Variants in YARS1 observed in about 807,000 individuals in gnomAD.
The protein encoded by YARS1 is tyrosine--tRNA ligase, cytoplasmic.
Under a neutral mutation model 62.2 loss-of-function variants are expected in YARS1, and 36 were observed. That is an observed-to-expected ratio of 0.58 (90% CI 0.44 to 0.76). The LOEUF is 0.76. Ranked by LOEUF, YARS1 falls within the 30% of genes least tolerant of loss-of-function variation. The pLI, the probability that YARS1 is intolerant of heterozygous loss-of-function variation, is 0.00. For synonymous variants in YARS1, 234 were observed against 244.9 expected, an observed-to-expected ratio of 0.96 and a Z score of 0.42; for missense variants, 524 against 639.8, an observed-to-expected ratio of 0.82 and a Z score of 1.95.
intron 5 of YARS1, among the ~76,000 whole-genome samples, chr1:32,796,247 G>A (rs931003567): frequency 6.6e-5 from 10 of 152,100 alleles, no homozygotes; most frequent in African/African-American, 2.2e-4. Flanking sequence ...AGTGAGCCGA[G>A]ATCGCGCCAC....
Position 32,779,476 on chromosome 1 carries a change from G to C in YARS1, c.1382C>G (p.Ser461Cys). Reference protein sequence around the residue: ...QVEPLDPPAGSAPGEHVFVKG... With the variant: ...QVEPLDPPAGCAPGEHVFVKG... ...CACAAACACGTGCTCACCAGGAGCA[G>C]AGCCTGCCGGAGGGTCCAGAGGTTC... is the stretch of plus-strand genomic sequence containing the variant. The change falls in exon 12 of 13, where the codon TCT becomes TGT. Residue 461 changes from serine (S) to cysteine (C), a missense_variant. Ser to Cys is a moderately radical substitution (Grantham distance 112, BLOSUM62 -1). Coordinates refer to ENST00000373477, the MANE Select transcript of YARS1 (RefSeq NM_003680.4). 2 of 1,614,196 alleles carry C rather than the reference G, an allele frequency of 1.2e-6. No individual in the cohort carries two copies. The highest frequency in any genetic ancestry group is 1.7e-6 in the Non-Finnish European group (2 of 1,180,010).
At chr1:32,805,077 C>A (rs1172159274) in intron 4 of YARS1, among the ~76,000 whole-genome samples, 1 of 152,078 alleles carries the variant, frequency 6.6e-6, no homozygotes, top group Non-Finnish European at 1.5e-5. Context: ...CCAAAAAATA[C>A]AAATTGCAGG....
At chr1:32,795,583 G>C (rs1284172957) in intron 5 of YARS1, among the ~76,000 whole-genome samples, 1 of 152,024 alleles carries the variant, frequency 6.6e-6, no homozygotes, top group Non-Finnish European at 1.5e-5. Context: ...AAGGCGGGCA[G>C]ATCATGAGGT....
intron 4 of YARS1, among the ~76,000 whole-genome samples, chr1:32,804,516 C>A (rs549914582): frequency 6.7e-6 from 1 of 149,380 alleles, no homozygotes; most frequent in East Asian, 2.0e-4. Flanking sequence ...ACTTCTCAGA[C>A]GGGGCGGCTG....
chr1:32,793,181 T>C (rs1395998595), intron 5 of YARS1, among the ~76,000 whole-genome samples: 1 of 152,044 alleles, frequency 6.6e-6, no homozygotes, highest in African/African-American at 2.4e-5. Context: ...GAACAGAATA[T>C]GAGACATGAG....
In YARS1 at chr1:32,775,926, T is replaced by G; in HGVS notation, c.*55A>C. 1 of 1,460,282 alleles carries G rather than the reference T, an allele frequency of 6.8e-7. No individual in the cohort carries two copies. Among genetic ancestry groups the G allele is most frequent in the African/African-American group, 1.4e-5 (1 of 71,822 alleles). 90.5% of individuals were successfully genotyped at this position (1,460,282 alleles called of 1,614,324 possible). Reference sequence around the variant, plus strand: ...TAAATGGGTGATGGATGGAGCAGACTGAAGAGACAGCAGATGACTCAGTGG... The same window carrying G: ...TAAATGGGTGATGGATGGAGCAGACGGAAGAGACAGCAGATGACTCAGTGG... On this transcript the variant is annotated 3_prime_UTR_variant, in exon 13 of 13. Coordinates refer to ENST00000373477, the MANE Select transcript of YARS1 (RefSeq NM_003680.4).
intron 8 of YARS1, among the ~76,000 whole-genome samples, chr1:32,784,581 T>G (rs934832498): frequency 6.6e-6 from 1 of 152,120 alleles, no homozygotes; most frequent in Non-Finnish European, 1.5e-5. Flanking sequence ...GAACTCCTAT[T>G]CCTCAAGCAA....
intron 5 of YARS1, among the ~76,000 whole-genome samples, chr1:32,792,350 C>G (rs1254033496): frequency 1.3e-5 from 2 of 152,160 alleles, no homozygotes; most frequent in African/African-American, 4.8e-5. Flanking sequence ...AAAACCAACC[C>G]CTGACAGAAC....
chr1:32,780,362 C>A, intron 10 of YARS1, 84 bp from the exon 11 acceptor site: 1 of 1,517,134 alleles, frequency 6.6e-7, no homozygotes. Flanking sequence ...CGGAAAGGAG[C>A]ATCCACTCCT....
At chr1:32,778,796 T>G (rs1402761194) in intron 12 of YARS1, among the ~76,000 whole-genome samples, 1 of 148,294 alleles carries the variant, frequency 6.7e-6, no homozygotes, top group Admixed American at 6.9e-5. Flanking sequence ...TGGAGTGCAA[T>G]GGCGTGATCT....
At chr1:32,785,457 T>A (rs1469418792) in intron 8 of YARS1, among the ~76,000 whole-genome samples, 14 of 146,768 alleles carry the variant, frequency 9.5e-5, no homozygotes, top group South Asian at 2.2e-4. Context: ...TGAGACTCTG[T>A]CTCAAAAAAA....
chr1:32,778,739 T>TC (rs1557444576), intron 12 of YARS1, among the ~76,000 whole-genome samples: 1 of 144,982 alleles, frequency 6.9e-6, no homozygotes, highest in African/African-American at 2.5e-5. Context: ...TTCTTTTCTT[T>TC]TTTTTTTTTT....
At chr1:32,778,823 C>G (rs1364670580) in intron 12 of YARS1, among the ~76,000 whole-genome samples, 2 of 149,714 alleles carry the variant, frequency 1.3e-5, no homozygotes, top group African/African-American at 4.9e-5. Flanking sequence ...ATTGCAACCT[C>G]TGCCTCCCGG....
At chr1:32,800,651 G>A (rs1038310856) in intron 4 of YARS1, among the ~76,000 whole-genome samples, 1 of 151,934 alleles carries the variant, frequency 6.6e-6, no homozygotes, top group African/African-American at 2.4e-5. Context: ...GTGCAGTGGT[G>A]CGAGCTCCGC....
intron 12 of YARS1, among the ~76,000 whole-genome samples, chr1:32,778,926 G>A (rs1342125763): frequency 1.3e-5 from 2 of 151,620 alleles, no homozygotes; most frequent in Non-Finnish European, 2.9e-5. Context: ...TTTTAGTAGA[G>A]ACAGGGTTTC....
At chr1:32,777,724 TTA>T (rs1430337219) in intron 12 of YARS1, among the ~76,000 whole-genome samples, 2 of 152,118 alleles carry the variant, frequency 1.3e-5, no homozygotes, top group East Asian at 3.9e-4. Flanking sequence ...TCCAGGAGGT[TTA>T]CAGGCTTGAG....
chr1:32,804,362 G>A (rs1017047890), intron 4 of YARS1, among the ~76,000 whole-genome samples: 2 of 150,482 alleles, frequency 1.3e-5, no homozygotes, highest in African/African-American at 2.4e-5. Context: ...GTGGCTGGCC[G>A]GGCGGGGGTT....
intron 5 of YARS1, among the ~76,000 whole-genome samples, chr1:32,796,237 A>G (rs1184646081): frequency 6.6e-6 from 1 of 152,222 alleles, no homozygotes; most frequent in Non-Finnish European, 1.5e-5. Flanking sequence ...CAGAGGTTGC[A>G]GTGAGCCGAG....
intron 5 of YARS1, among the ~76,000 whole-genome samples, chr1:32,793,249 T>C (rs6425801): frequency 0.99 from 150,400 of 152,320 alleles, 74,282 homozygotes; most frequent in East Asian, 1. Flanking sequence ...TTGAGGAAAT[T>C]ATGGCAGACA....
Sources: gnomAD v4.1 joint callset for allele counts (sites outside exome capture counted in the v4.1 genomes callset) on GRCh38, gnomAD v4.1.1 for gene constraint, MANE v1.5 for transcripts, NCBI Gene and HGNC (gene_info 2026-07-23, HGNC 2026-07-21) for gene names.